Variants in VAX1 observed in about 807,000 individuals in gnomAD.
The protein encoded by VAX1 is ventral anterior homeobox 1.
Under a neutral mutation model 17.6 loss-of-function variants are expected in VAX1, and 6 were observed. The ratio of observed to expected loss-of-function variants is 0.34; its 90% confidence interval spans 0.19 to 0.67. VAX1 has a LOEUF of 0.67. VAX1 is among the 30% of genes least tolerant of loss of function. The pLI is 0.69. For missense variants in VAX1, 408 were observed against 463.7 expected (o/e 0.88, Z 1.10); for synonymous variants, 256 against 227.4 (o/e 1.13, Z -1.13).
At chr10:117,129,339 A>C (rs1854056345), downstream of VAX1, 1 of 152,548 alleles carries the variant, frequency 6.6e-6, no homozygotes, top group South Asian at 2.1e-4. Flanking sequence ...TCCCCAGATG[A>C]TTCTGAAGCA....
In VAX1 at chr10:117,134,725, T is replaced by C. The variant is rs1854149197; in HGVS notation, c.430-142A>G. ...CAGCCCCACCCAGCAGCCGGAGGGG[T>C]CCGGGCCGGGGCGCTGCTGGGGGAG... On this transcript the variant is annotated intron_variant, in intron 2 of 2. Transcript: ENST00000369206. The surrounding 1 kb of genome is among the most constrained non-coding windows in gnomAD (Gnocchi z 6.2). 1.2e-6 allele frequency: 1 copy of C among 835,558 alleles called. No homozygotes were observed. Among genetic ancestry groups the C allele is most frequent in the Non-Finnish European group, 1.7e-6 (1 of 588,988 alleles). 51.8% of individuals were successfully genotyped at this position (835,558 alleles called of 1,614,324 possible).
Position 117,134,622 on chromosome 10 carries a change from AG to A in VAX1, c.430-40del. ...TGCGGGGAGAGTTGGAGAGAGGGGCAGGGAAGACCAGCGTCAAAGGAAGCGA... is the reference window on the plus strand; with the variant it reads ...TGCGGGGAGAGTTGGAGAGAGGGGCAGGAAGACCAGCGTCAAAGGAAGCGA... On this transcript the variant is annotated intron_variant, in intron 2 of 2. Transcript: ENST00000369206. This position sits in a 1 kb window ranked among gnomAD's most constrained non-coding sequence, Gnocchi z 6.2. 1 of 1,466,934 alleles carries A rather than the reference AG, an allele frequency of 6.8e-7. No homozygotes were observed. Among genetic ancestry groups the A allele is most frequent in the Non-Finnish European group, 9.0e-7 (1 of 1,109,196 alleles). The allele number at this position is 1,466,934 out of a possible 1,614,324, so 90.9% of individuals were successfully genotyped here.
At position 117,134,224 on chromosome 10, in the gene VAX1, T is replaced by C. The variant is rs1398328038; in HGVS notation, c.789A>G (p.Ala263=). ...PGPAGPGGLH[A]GAPAAGHSLF... is the part of the protein sequence containing the mutation. Reference sequence around the variant, plus strand: ...GGCTGTGGCCCGCGGCCGGGGCGCCTGCGTGCAATCCCCCCGGCCCGGCGG... The same window carrying C: ...GGCTGTGGCCCGCGGCCGGGGCGCCCGCGTGCAATCCCCCCGGCCCGGCGG... The change falls in exon 3 of 3, where the codon GCA becomes GCG. Residue 263 remains alanine (A), a synonymous_variant. Transcript: ENST00000369206. This position sits in a 1 kb window ranked among gnomAD's most constrained non-coding sequence, Gnocchi z 6.2. The C allele has an allele frequency of 6.9e-7, 1 of 1,452,330 alleles. No homozygotes were observed. The highest frequency in any genetic ancestry group is 1.4e-5 in the South Asian group (1 of 71,414). 90.0% of individuals were successfully genotyped at this position (1,452,330 alleles called of 1,614,324 possible).
rs1412245352 is a variant in VAX1, at chr10:117,134,749, AGCTG to A, written c.430-170_430-167del. On this transcript the variant is annotated intron_variant, in intron 2 of 2. Coordinates refer to ENST00000369206, the MANE Select transcript of VAX1 (RefSeq NM_001112704.2). The surrounding 1 kb of genome is among the most constrained non-coding windows in gnomAD (Gnocchi z 6.2). The stretch of plus-strand genomic sequence containing the variant: ...GTCCGGGCCGGGGCGCTGCTGGGGG[AGCTG>A]GCGCCGCCACGAGGGGGACACAGCT... 3.3e-5 allele frequency among the ~76,000 whole-genome samples: 5 copies of A among 151,642 alleles called. No individual in the cohort carries two copies. Among genetic ancestry groups the A allele is most frequent in the Admixed American group, 6.6e-5 (1 of 15,264 alleles).
At position 117,134,399 on chromosome 10, in the gene VAX1, A is replaced by G. The variant is rs1362686438; in HGVS notation, c.614T>C (p.Leu205Pro). ...GCTGGGCCCGCGCAGCGCTGAGCCGAGAGCGCCCGTGGCGCAAGGCGGCAG... is the reference window on the plus strand; with the variant it reads ...GCTGGGCCCGCGCAGCGCTGAGCCGGGAGCGCCCGTGGCGCAAGGCGGCAG... ...ALLPPCATGALGSALRGPSLP... is the reference protein window; with the variant it reads ...ALLPPCATGAPGSALRGPSLP... Residue 205 changes from leucine to proline, a missense_variant, in exon 3 of 3, where the codon CTC becomes CCC. Coordinates refer to ENST00000369206, the MANE Select transcript of VAX1 (RefSeq NM_001112704.2). The surrounding 1 kb of genome is among the most constrained non-coding windows in gnomAD (Gnocchi z 6.2). 1.4e-6 allele frequency: 2 copies of G among 1,470,710 alleles called. No individual in the cohort carries two copies. Among genetic ancestry groups the G allele is most frequent in the Admixed American group, 4.7e-5 (2 of 42,918 alleles). 91.1% of individuals were successfully genotyped at this position (1,470,710 alleles called of 1,614,324 possible). A position where few individuals can be genotyped will look rare whatever the true frequency, so the allele number is the denominator to read the frequency against.
chr10:117,128,858 C>G (rs1854049180), downstream of VAX1: 1 of 152,210 alleles, frequency 6.6e-6, no homozygotes, highest in African/African-American at 2.4e-5. Flanking sequence ...CCCAAACTAC[C>G]AGGTCTGTAA....
At position 117,136,433 on chromosome 10, in the gene VAX1, G is replaced by A. The variant is rs929909768; in HGVS notation, c.429+39C>T. On this transcript the variant is annotated intron_variant, in intron 2 of 2. Coordinates refer to ENST00000369206, the MANE Select transcript of VAX1 (RefSeq NM_001112704.2). The surrounding 1 kb of genome is among the most constrained non-coding windows in gnomAD (Gnocchi z 5.0). The stretch of plus-strand genomic sequence containing the variant: ...GCTAGGTAGGGGTGGTGGGGAGGAA[G>A]GCTGGTGCAGAACTGTGTGCGGCCT... The A allele has an allele frequency of 2.2e-5, 35 of 1,608,630 alleles. No homozygotes were observed. Among genetic ancestry groups the A allele is most frequent in the South Asian group, 4.4e-5 (4 of 90,868 alleles).
chr10:117,134,360 C>A lies in VAX1; in HGVS notation c.653G>T (p.Gly218Val). The A allele has an allele frequency of 8.6e-7, 1 of 1,161,644 alleles. No individual in the cohort carries two copies. Among genetic ancestry groups the A allele is most frequent in the Non-Finnish European group, 1.1e-6 (1 of 943,700 alleles). The allele number at this position is 1,161,644 out of a possible 1,614,324, so 72.0% of individuals were successfully genotyped here. ...GGCCGAGCCTGCAGCGGCGCCCGCG[C>A]CCAGGGCCGGCAAGCTGGGCCCGCG... is the stretch of plus-strand genomic sequence containing the variant. ...ALRGPSLPAL[G>V]AGAAAGSAAA... The change falls in exon 3 of 3, where the codon GGC becomes GTC. Residue 218 changes from glycine to valine, a missense_variant. By Grantham distance (109) the Gly-to-Val change is moderately radical. Transcript: ENST00000369206. The surrounding 1 kb of genome is among the most constrained non-coding windows in gnomAD (Gnocchi z 6.2).
chr10:117,135,184 T>C (rs182142552), intron 2 of VAX1, among the ~76,000 whole-genome samples: 11 of 152,344 alleles, frequency 7.2e-5, no homozygotes, highest in Admixed American at 7.2e-4. Context: ...GACCATTAGC[T>C]AGCAGCAAGC....
rs1353903099 is a variant in VAX1 at position 117,133,642 on chromosome 10, C to A, written c.*366G>T. The A allele has an allele frequency of 2.0e-6, 2 of 1,000,682 alleles. No homozygotes were observed. The highest frequency in any genetic ancestry group is 2.4e-6 in the Non-Finnish European group (2 of 840,590). The allele number at this position is 1,000,682 out of a possible 1,614,324, so 62.0% of individuals were successfully genotyped here. A position where few individuals can be genotyped will look rare whatever the true frequency, so the allele number is the denominator to read the frequency against. ...TAGTCGGCAGCGGCAGCAGCCGCAG[C>A]AGCCGCGGATCTAGAGCAAACGTCC... On this transcript the variant is annotated 3_prime_UTR_variant, in exon 3 of 3. Transcript: ENST00000369206.
In VAX1 at chr10:117,133,887, T is replaced by C; in HGVS notation, c.*121A>G. 1 of 1,392,478 alleles carries C rather than the reference T, an allele frequency of 7.2e-7. No homozygotes were observed. Among genetic ancestry groups the C allele is most frequent in the Non-Finnish European group, 9.3e-7 (1 of 1,079,270 alleles). 86.3% of individuals were successfully genotyped at this position (1,392,478 alleles called of 1,614,324 possible). On this transcript the variant is annotated 3_prime_UTR_variant, in exon 3 of 3. Coordinates refer to ENST00000369206, the MANE Select transcript of VAX1 (RefSeq NM_001112704.2). ...GCAGAGTCTAGTGGGAAAGGAGAGC[T>C]GTCAGAGGCCTGGTGGGAGCCAGGA...
downstream of VAX1, chr10:117,131,020 AAAG>A (rs1854076346): frequency 6.6e-6 from 1 of 152,580 alleles, no homozygotes; most frequent in Non-Finnish European, 1.5e-5. Context: ...TTTGTTCCAA[AAAG>A]TTATGCCACC....
At chr10:117,132,610 T>A, downstream of VAX1, 1 of 1,039,398 alleles carries the variant, frequency 9.6e-7, no homozygotes. This position sits in a 1 kb window ranked among gnomAD's most constrained non-coding sequence, Gnocchi z 4.9. Context: ...CTGCGGCACC[T>A]CGCAGTCTGG....
In VAX1 at chr10:117,133,386, G is replaced by A; in HGVS notation, c.*622C>T. ...TTGTTACTGTTTCCTGGGGTCGGGG[G>A]TGGTTGTGATTGGAGTTGCCCTAAA... On this transcript the variant is annotated 3_prime_UTR_variant, in exon 3 of 3. Transcript: ENST00000369206. 1 of 985,540 alleles carries A rather than the reference G, an allele frequency of 1.0e-6. No homozygotes were observed. Among genetic ancestry groups the A allele is most frequent in the Non-Finnish European group, 1.2e-6 (1 of 830,094 alleles). 61.0% of individuals were successfully genotyped at this position (985,540 alleles called of 1,614,324 possible). A position where few individuals can be genotyped will look rare whatever the true frequency, so the allele number is the denominator to read the frequency against.
chr10:117,135,976 A>AATTCCTGGGAAT (rs1854171085), intron 2 of VAX1, among the ~76,000 whole-genome samples: 1 of 152,204 alleles, frequency 6.6e-6, no homozygotes, highest in African/African-American at 2.4e-5. Context: ...AGGAGGGCGT[A>AATTCCTGGGAAT]CACCTAATTC....
In VAX1 at chr10:117,137,063, G is replaced by C. The variant is rs1318147446; in HGVS notation, c.242-404C>G. Among the ~76,000 whole-genome samples, 4 of 152,030 alleles carry C rather than the reference G, an allele frequency of 2.6e-5. No individual in the cohort carries two copies. The highest frequency in any genetic ancestry group is 2.6e-4 in the Admixed American group (4 of 15,288). On this transcript the variant is annotated intron_variant, in intron 1 of 2. Transcript: ENST00000369206. The surrounding 1 kb of genome is among the most constrained non-coding windows in gnomAD (Gnocchi z 7.4). ...GGCTTGCCGACCAGACCGTGATCCA[G>C]ACGTCCCCACCCCCACCCTCGAGTC... is the stretch of plus-strand genomic sequence containing the variant.
rs1207065334 is a variant in VAX1, at chr10:117,134,846, G to A, written c.430-263C>T. Among the ~76,000 whole-genome samples, 1 of 152,148 alleles carries A rather than the reference G, an allele frequency of 6.6e-6. No homozygotes were observed. On this transcript the variant is annotated intron_variant, in intron 2 of 2. Coordinates refer to ENST00000369206, the MANE Select transcript of VAX1 (RefSeq NM_001112704.2). The surrounding 1 kb of genome is among the most constrained non-coding windows in gnomAD (Gnocchi z 6.2). ...GCAGGCGCCGCTTACACAGAACAAA[G>A]TAATAAAATGCCCACGGCAGGAACT...
In VAX1 at chr10:117,137,318, C is replaced by A. The variant is rs1349887925; in HGVS notation, c.241+498G>T. ...AGCTGCCTCTCCCGGCGGCAGCGGT[C>A]GGGCACCGATCGCGGCCGTGGGGTC... On this transcript the variant is annotated intron_variant, in intron 1 of 2. Transcript: ENST00000369206. This position sits in a 1 kb window ranked among gnomAD's most constrained non-coding sequence, Gnocchi z 7.4. Among the ~76,000 whole-genome samples the A allele has an allele frequency of 6.6e-6, 1 of 152,050 alleles. No homozygotes were observed. Among genetic ancestry groups the A allele is most frequent in the Non-Finnish European group, 1.5e-5 (1 of 67,994 alleles).
At chr10:117,130,922 G>C (rs1854075614), downstream of VAX1, 1 of 152,624 alleles carries the variant, frequency 6.6e-6, no homozygotes, top group African/African-American at 2.4e-5. Flanking sequence ...CTGGAAGGAG[G>C]GATCTGCTTG....
Sources: gnomAD v4.1 joint callset for allele counts (sites outside exome capture counted in the v4.1 genomes callset) on GRCh38, gnomAD v4.1.1 for gene constraint, Gnocchi (gnomAD v3.1) non-coding constraint, MANE v1.5 for transcripts, NCBI Gene and HGNC (gene_info 2026-07-23, HGNC 2026-07-21) for gene names.